CD99L2: variants seen among roughly 807,000 people sequenced by gnomAD.
CD99L2 encodes CD99 antigen-like protein 2.
Under a neutral mutation model 27.3 loss-of-function variants are expected in CD99L2, and 24 were observed. The observed-to-expected ratio is 0.88, with a 90% CI of 0.64 to 1.24. The LOEUF (loss-of-function observed/expected upper bound fraction) is 1.24, where lower values mean the gene tolerates loss of function less well. Among genes scored for constraint, CD99L2 ranks in the 50% most tolerant of loss-of-function variants. CD99L2 has a pLI of 0.00. For missense variants in CD99L2, 255 were observed against 221.6 expected (o/e 1.15, Z -0.96); for synonymous variants, 97 against 87.9 (o/e 1.10, Z -0.58).
At chrX:150,842,020 G>A (rs935453647) in intron 1 of CD99L2, among the ~76,000 whole-genome samples, 3 of 111,599 alleles carry the variant, frequency 2.7e-5, no homozygotes, top group Non-Finnish European at 5.6e-5. Flanking sequence ...GCACCAACAC[G>A]CATTAGAAAA....
In CD99L2 at chrX:150,798,028, T is replaced by C. The variant is rs1405804666; in HGVS notation, c.278-2542A>G. 2.7e-4 allele frequency among the ~76,000 whole-genome samples: 24 copies of C among 87,863 alleles called. No individual in the cohort carries two copies. In the East Asian group the frequency reaches 4.5e-3, roughly 16 times the overall value. The allele number at this position is 87,863 out of a possible 115,157, so 76.3% of individuals were successfully genotyped here. ...CTGTACTCCAGCATAGGCGACAGAA[T>C]GAGACCCCGTCAAAAAAAAAGAAGA... On this transcript the variant is annotated intron_variant, in intron 4 of 10. Transcript: ENST00000370377.
At chrX:150,818,752 G>A (rs181510035) in intron 2 of CD99L2, 4 of 226,004 alleles carry the variant, frequency 1.8e-5, no homozygotes, top group Admixed American at 4.5e-5. Context: ...CGTCAACCCC[G>A]GTCCAGTCCA....
intron 8 of CD99L2, 80 bp downstream of exon 8, chrX:150,777,364 C>T (rs782648442): frequency 3.5e-6 from 4 of 1,140,308 alleles, no homozygotes; most frequent in Middle Eastern, 2.4e-4. Context: ...TGACTTTTCC[C>T]TTGGCTTAGT....
chrX:150,788,335 T>C (rs183952902), intron 7 of CD99L2, among the ~76,000 whole-genome samples: 1 of 111,791 alleles, frequency 8.9e-6, no homozygotes, highest in Admixed American at 9.5e-5. Flanking sequence ...GTCTTTTCAT[T>C]GTTACACAGT....
chrX:150,824,207 G>A (rs1485397024), intron 2 of CD99L2, among the ~76,000 whole-genome samples: 2 of 74,242 alleles, frequency 2.7e-5, no homozygotes, highest in African/African-American at 1.0e-4. Flanking sequence ...AGAGGAGGAG[G>A]AAGAGGAGGA....
chrX:150,801,304 TTTAA>T (rs2045902781), intron 4 of CD99L2, among the ~76,000 whole-genome samples: 1 of 111,027 alleles, frequency 9.0e-6, no homozygotes, highest in Non-Finnish European at 1.9e-5. Context: ...AGAAAAGAGG[TTTAA>T]TTGACTTACA....
At chrX:150,859,877 C>T (rs782790362) in intron 1 of CD99L2, among the ~76,000 whole-genome samples, 1 of 110,718 alleles carries the variant, frequency 9.0e-6, no homozygotes, top group African/African-American at 3.3e-5. Flanking sequence ...AGGATAGATT[C>T]ACTACAGAAT....
At chrX:150,784,979 C>G (rs782713226) in intron 7 of CD99L2, among the ~76,000 whole-genome samples, 1 of 111,582 alleles carries the variant, frequency 9.0e-6, no homozygotes, top group African/African-American at 3.3e-5. Context: ...TGGGGGCAGC[C>G]TCCTGAGAGG....
intron 9 of CD99L2, among the ~76,000 whole-genome samples, chrX:150,773,347 G>T (rs1239977083): frequency 8.8e-6 from 1 of 113,220 alleles, no homozygotes; most frequent in Non-Finnish European, 1.9e-5. Context: ...CGGAAGAGAG[G>T]CAATGGCAGG....
chrX:150,828,182 G>A (rs1335068790), intron 2 of CD99L2: 1 of 111,827 alleles, frequency 8.9e-6, no homozygotes, highest in Non-Finnish European at 1.9e-5. Context: ...GTCAGGAATT[G>A]TGTTGAGTTT....
At chrX:150,796,156 G>A (rs12012776) in intron 4 of CD99L2, among the ~76,000 whole-genome samples, 30,045 of 111,317 alleles carry the variant, frequency 0.27, 3,133 homozygotes, top group African/African-American at 0.38. Context: ...AGACAGTGCT[G>A]TATACAGCAA....
rs1557418995 is a variant in CD99L2, at chrX:150,770,358, C to T, written c.667G>A (p.Ala223Thr). ...AGGTTCTCTCCCTTCACGTAGTCTGCGTTGAGACCCTCTGCAAAGGGAAAA... is the reference window on the plus strand; with the variant it reads ...AGGTTCTCTCCCTTCACGTAGTCTGTGTTGAGACCCTCTGCAAAGGGAAAA... Reference protein sequence around the residue: ...FCFSIQQGLNADYVKGENLEA... With the variant: ...FCFSIQQGLNTDYVKGENLEA... Residue 223 changes from alanine (A) to threonine (T), a missense_variant, in exon 10 of 11, where the codon GCA (alanine) becomes ACA (threonine). Physicochemically the swap from Ala to Thr is moderately conservative, Grantham distance 58. Transcript: ENST00000370377. 6.6e-6 allele frequency: 8 copies of T among 1,211,118 alleles called. No homozygotes were observed. The highest frequency in any genetic ancestry group is 1.8e-5 in the South Asian group (1 of 56,934).
intron 1 of CD99L2, among the ~76,000 whole-genome samples, chrX:150,870,756 A>G (rs984474342): frequency 1.8e-5 from 2 of 110,776 alleles, no homozygotes; most frequent in African/African-American, 6.6e-5. Flanking sequence ...ACCCCACTGC[A>G]CTGCACCCCC....
At chrX:150,815,188 A>G (rs2046134435) in intron 3 of CD99L2, among the ~76,000 whole-genome samples, 1 of 111,875 alleles carries the variant, frequency 8.9e-6, no homozygotes, top group Non-Finnish European at 1.9e-5. Context: ...ATTCCTAGGT[A>G]TTTTCTGCTT....
In CD99L2 at chrX:150,785,726, T is replaced by C. The variant is rs1159672332; in HGVS notation, c.496+7965A>G. 2.7e-5 allele frequency among the ~76,000 whole-genome samples: 3 copies of C among 112,038 alleles called. No homozygotes were observed. In the Admixed American group the frequency reaches 2.8e-4, roughly 11 times the overall value. ...TAGTTTTGGCTGTAGTGGAACTTCA[T>C]ATAATTGGGCTCAAATAATACGTAC... On this transcript the variant is annotated intron_variant, in intron 7 of 10. Coordinates refer to ENST00000370377, the MANE Select transcript of CD99L2 (RefSeq NM_031462.4).
intron 2 of CD99L2, among the ~76,000 whole-genome samples, chrX:150,826,213 T>C (rs781865958): frequency 8.9e-6 from 1 of 111,781 alleles, no homozygotes; most frequent in Admixed American, 9.5e-5. Context: ...CTTCCCAGCC[T>C]CCAGAGCTGT....
At position 150,793,632 on chromosome X, in the gene CD99L2, T is replaced by G. The variant is rs1030236879; in HGVS notation, c.496+59A>C. 7.4e-5 allele frequency: 73 copies of G among 988,279 alleles called. No individual in the cohort carries two copies. In the Admixed American group the frequency reaches 2.3e-3, roughly 31 times the overall value. The allele number at this position is 988,279 out of a possible 1,213,427, so 81.4% of individuals were successfully genotyped here. A position where few individuals can be genotyped will look rare whatever the true frequency, so the allele number is the denominator to read the frequency against. ...CCAGAGGCTCAATTAATCTGGTTGC[T>G]GCATAATCACCTTTTTCACCAGAAT... On this transcript the variant is annotated intron_variant, in intron 7 of 10. Transcript: ENST00000370377.
chrX:150,769,173 C>G lies in CD99L2; in HGVS notation c.722-72G>C, dbSNP rs782608231. The G allele has an allele frequency of 9.3e-6, 10 of 1,078,469 alleles. No individual in the cohort carries two copies. In the South Asian group the frequency reaches 1.8e-4, roughly 19 times the overall value. 88.9% of individuals were successfully genotyped at this position (1,078,469 alleles called of 1,213,427 possible). The stretch of plus-strand genomic sequence containing the variant: ...CAGAAGAAGCAAATACAGCAGCAAG[C>G]CCGTGCTGGGAACAGAACTGGGTTT... On this transcript the variant is annotated intron_variant, in intron 10 of 10. Coordinates refer to ENST00000370377, the MANE Select transcript of CD99L2 (RefSeq NM_031462.4).
chrX:150,770,224 G>T, intron 10 of CD99L2, 80 bp downstream of exon 10: 1 of 969,945 alleles, frequency 1.0e-6, no homozygotes, highest in Non-Finnish European at 1.5e-6. Context: ...GTGCTTCCCT[G>T]CTTCTCTAGC....
Sources: allele counts gnomAD v4.1 joint callset (sites outside exome capture counted in the v4.1 genomes callset), GRCh38; gene constraint gnomAD v4.1.1; transcripts MANE v1.5; gene names NCBI Gene and HGNC (gene_info 2026-07-23, HGNC 2026-07-21).